The following TRPC1 variants were observed in gnomAD, a reference collection of about 807,000 sequenced individuals.
TRPC1 encodes the protein short transient receptor potential channel 1.
A neutral mutation model predicts 88.2 loss-of-function variants in TRPC1; 42 were observed. The ratio of observed to expected loss-of-function variants is 0.48; its 90% CI spans 0.37 to 0.62. The LOEUF is 0.62. TRPC1 is among the 20% of genes least tolerant of loss of function. The pLI is 0.00. For missense variants in TRPC1, 699 were observed against 957.3 expected (o/e 0.73, Z 3.56); for synonymous variants, 288 against 331.8 (o/e 0.87, Z 1.43).
In TRPC1 at chr3:142,726,641, T is replaced by C. The variant is rs80302835; in HGVS notation, c.172+1910T>C. Among the ~76,000 whole-genome samples the C allele has an allele frequency of 6.9e-3, 1,057 of 152,330 alleles. 28 individuals carry two copies. In the East Asian group the frequency reaches 0.089, roughly 13 times the overall value. On this transcript the variant is annotated intron_variant, in intron 1 of 12. Coordinates refer to ENST00000476941, the MANE Select transcript of TRPC1 (RefSeq NM_001251845.2). ...ATAGCATAATTCTTACGCATACTTA[T>C]GGGGTACATTTACATTTAAAAAGTA...
At chr3:142,727,375 T>C (rs549233661) in intron 1 of TRPC1, among the ~76,000 whole-genome samples, 48 of 152,272 alleles carry the variant, frequency 3.2e-4, no homozygotes, top group Middle Eastern at 3.4e-3. Context: ...ATTGTGGAGA[T>C]GAGATGGATA....
intron 3 of TRPC1, among the ~76,000 whole-genome samples, chr3:142,746,865 AAAAC>A (rs1249643813): frequency 6.6e-6 from 1 of 152,172 alleles, no homozygotes; most frequent in Non-Finnish European, 1.5e-5. Context: ...CAAAAAAAAA[AAAAC>A]TGGTCATGGC....
At chr3:142,758,707 T>G (rs1016773212) in intron 4 of TRPC1, among the ~76,000 whole-genome samples, 1 of 152,126 alleles carries the variant, frequency 6.6e-6, no homozygotes, top group Admixed American at 6.6e-5. Flanking sequence ...CTTTAAGTTC[T>G]AGGGTACATG....
At chr3:142,753,691 G>A (rs1426646497) in intron 4 of TRPC1, among the ~76,000 whole-genome samples, 1 of 149,160 alleles carries the variant, frequency 6.7e-6, no homozygotes, top group African/African-American at 2.5e-5. Flanking sequence ...CTTGAACCTG[G>A]GAGGTGGAGG....
Position 142,803,989 on chromosome 3 carries a change from C to G in TRPC1, c.1770C>G (p.Thr590=). The change falls in exon 11 of 13, where the codon ACC becomes ACG. Residue 590 remains threonine (T), a synonymous_variant. Coordinates refer to ENST00000476941, the MANE Select transcript of TRPC1 (RefSeq NM_001251845.2). ...SNDTFHSFIG[T]CFALFWYIFS... ...ATTGTCTTTACAGGTTCATTGGCACCTGCTTTGCTTTGTTCTGGTATATTT... is the reference window on the plus strand; with the variant it reads ...ATTGTCTTTACAGGTTCATTGGCACGTGCTTTGCTTTGTTCTGGTATATTT... 8 of 1,613,394 alleles carry G rather than the reference C, an allele frequency of 5.0e-6. No homozygotes were observed. Among genetic ancestry groups the G allele is most frequent in the Non-Finnish European group, 6.8e-6 (8 of 1,179,638 alleles).
At chr3:142,780,743 A>G (rs185179561) in intron 5 of TRPC1, 91 bp from the exon 6 acceptor site, 4 of 1,275,618 alleles carry the variant, frequency 3.1e-6, no homozygotes, top group South Asian at 3.4e-5. Flanking sequence ...GTCAGAATTA[A>G]AATGTTGCTG....
At chr3:142,755,280 C>T (rs766226946) in intron 4 of TRPC1, among the ~76,000 whole-genome samples, 8 of 152,036 alleles carry the variant, frequency 5.3e-5, no homozygotes, top group Non-Finnish European at 1.0e-4. Context: ...AAAATATTAG[C>T]CGGGTGTGGT....
At chr3:142,804,302 AG>A (rs1578016685) in intron 11 of TRPC1, 124 bp downstream of exon 11, 2 of 1,181,420 alleles carry the variant, frequency 1.7e-6, no homozygotes, top group East Asian at 5.3e-5. Context: ...AATTAAATAT[AG>A]ATTTTTAAAA....
intron 9 of TRPC1, among the ~76,000 whole-genome samples, chr3:142,800,922 GAA>G (rs34332451): frequency 7.6e-5 from 9 of 118,168 alleles, no homozygotes; most frequent in East Asian, 4.8e-4. Context: ...TAAAAAGAAA[GAA>G]AAAAAAAAAA....
intron 7 of TRPC1, among the ~76,000 whole-genome samples, chr3:142,785,949 T>A (rs926486097): frequency 6.6e-6 from 1 of 152,194 alleles, no homozygotes; most frequent in Non-Finnish European, 1.5e-5. Context: ...GATAGTTTTT[T>A]AAAAAGTATA....
Position 142,724,574 on chromosome 3 carries a change from G to A in TRPC1, c.15G>A (p.Leu5=), listed in dbSNP as rs765172014. 1.4e-5 allele frequency: 22 copies of A among 1,583,806 alleles called. No homozygotes were observed. Among genetic ancestry groups the A allele is most frequent in the Non-Finnish European group, 1.8e-5 (21 of 1,166,782 alleles). Residue 5 remains leucine, a synonymous_variant, in exon 1 of 13, where the codon CTG becomes CTA. Transcript: ENST00000476941. This position sits in a 1 kb window ranked among gnomAD's most constrained non-coding sequence, Gnocchi z 5.6. Reference sequence around the variant, plus strand: ...CATGGGCCGCGATGATGGCGGCCCTGTACCCGAGCACGGACCTCTCGGGCG... The same window carrying A: ...CATGGGCCGCGATGATGGCGGCCCTATACCCGAGCACGGACCTCTCGGGCG... The part of the protein sequence containing the change: MMAA[L]YPSTDLSGAS...
intron 2 of TRPC1, among the ~76,000 whole-genome samples, chr3:142,742,963 T>C (rs960069629): frequency 2.0e-5 from 3 of 152,214 alleles, no homozygotes; most frequent in Middle Eastern, 3.2e-3. Flanking sequence ...ATGTCAAATT[T>C]GTAGCATTTT....
chr3:142,764,016 A>C (rs1286085620), intron 4 of TRPC1, among the ~76,000 whole-genome samples: 1 of 137,628 alleles, frequency 7.3e-6, no homozygotes, highest in East Asian at 2.0e-4. Flanking sequence ...ATATATATAT[A>C]ACAAATTATT....
Position 142,806,382 on chromosome 3 carries a change from TG to T in TRPC1, c.*148del. ...TTAAAATATTTATAGCATAAATATA[TG>T]TTATGTAAAGTGTGTATATAGAATT... On this transcript the variant is annotated 3_prime_UTR_variant, in exon 13 of 13. Transcript: ENST00000476941. 1 of 732,722 alleles carries T rather than the reference TG, an allele frequency of 1.4e-6. No individual in the cohort carries two copies. Among genetic ancestry groups the T allele is most frequent in the Non-Finnish European group, 2.1e-6 (1 of 467,660 alleles). The allele number at this position is 732,722 out of a possible 1,614,324, so 45.4% of individuals were successfully genotyped here. A position where few individuals can be genotyped will look rare whatever the true frequency, so the allele number is the denominator to read the frequency against.
intron 2 of TRPC1, among the ~76,000 whole-genome samples, chr3:142,738,753 T>C (rs1348044501): frequency 6.6e-6 from 1 of 152,224 alleles, no homozygotes; most frequent in Non-Finnish European, 1.5e-5. Context: ...TGGTTTGATA[T>C]ACATTATTTA....
intron 6 of TRPC1, among the ~76,000 whole-genome samples, chr3:142,782,927 G>A (rs374178599): frequency 2.6e-5 from 4 of 152,210 alleles, no homozygotes. Context: ...CCAAGAGCAG[G>A]TGTTCCAGTG....
intron 9 of TRPC1, among the ~76,000 whole-genome samples, chr3:142,796,532 C>T (rs1316351325): frequency 6.6e-6 from 1 of 151,942 alleles, no homozygotes; most frequent in Non-Finnish European, 1.5e-5. Context: ...GTCCCACATG[C>T]TTCCTGTCTT....
chr3:142,773,601 TA>T (rs2079581719), intron 4 of TRPC1, among the ~76,000 whole-genome samples: 2 of 147,574 alleles, frequency 1.4e-5, no homozygotes, highest in Non-Finnish European at 1.5e-5. Flanking sequence ...TTTTTTCCTT[TA>T]GGGGGTATGG....
Position 142,807,108 on chromosome 3 carries a change from A to ATGTT in TRPC1, c.*875_*878dup, listed in dbSNP as rs1298182359. On this transcript the variant is annotated 3_prime_UTR_variant, in exon 13 of 13. Coordinates refer to ENST00000476941, the MANE Select transcript of TRPC1 (RefSeq NM_001251845.2). ...CTATTTTTTTTTCAAGTTGGAGTGAATGTTTTTAGTTTTAAGATAGATAGG... is the reference window on the plus strand; with the variant it reads ...CTATTTTTTTTTCAAGTTGGAGTGAATGTTTGTTTTTAGTTTTAAGATAGATAGG... The ATGTT allele has an allele frequency of 6.6e-6, 1 of 151,592 alleles. No homozygotes were observed. The highest frequency in any genetic ancestry group is 2.4e-5 in the African/African-American group (1 of 41,244). The allele number at this position is 151,592 out of a possible 1,614,324, so 9.4% of individuals were successfully genotyped here.
Sources: allele counts gnomAD v4.1 joint callset (sites outside exome capture counted in the v4.1 genomes callset), GRCh38; gene constraint gnomAD v4.1.1; non-coding constraint Gnocchi (gnomAD v3.1); transcripts MANE v1.5; gene names NCBI Gene and HGNC (gene_info 2026-07-23, HGNC 2026-07-21).